ALK: variants seen among roughly 807,000 people sequenced by gnomAD.
ALK encodes ALK receptor tyrosine kinase.
In ALK, 74 loss-of-function variants were observed where a neutral mutation model predicts 163.1. The observed-to-expected ratio is 0.45, with a 90% confidence interval of 0.38 to 0.55. ALK has a LOEUF of 0.55. Ranked by LOEUF, ALK falls within the 20% of genes least tolerant of loss-of-function variation. ALK has a pLI of 0.00. For missense variants in ALK, 2,063 were observed against 2,105.3 expected (o/e 0.98, Z 0.39); for synonymous variants, 960 against 843.2 (o/e 1.14, Z -2.40).
chr2:29,270,022 A>G (rs370398706), intron 11 of ALK, among the ~76,000 whole-genome samples: 6 of 152,360 alleles, frequency 3.9e-5, no homozygotes, highest in African/African-American at 9.6e-5. Flanking sequence ...TGGAAGACCT[A>G]TTCAGTAATG....
intron 4 of ALK, among the ~76,000 whole-genome samples, chr2:29,384,529 T>C (rs1429067758): frequency 3.9e-5 from 6 of 152,140 alleles, no homozygotes; most frequent in African/African-American, 1.4e-4. Flanking sequence ...TGTCAGAGAA[T>C]AGAGAATAAA....
At chr2:29,896,970 A>G (rs4429435) in intron 1 of ALK, among the ~76,000 whole-genome samples, 113,974 of 152,082 alleles carry the variant, frequency 0.75, 42,827 homozygotes, top group East Asian at 0.78. Context: ...TGAGCAAAGC[A>G]GAGCTTAGAT....
intron 4 of ALK, among the ~76,000 whole-genome samples, chr2:29,414,514 G>A (rs1016901375): frequency 1.3e-5 from 2 of 152,092 alleles, no homozygotes; most frequent in Admixed American, 1.3e-4. Context: ...TAGGCCCCTG[G>A]CCATCTGTCA....
intron 1 of ALK, among the ~76,000 whole-genome samples, chr2:29,916,677 T>A (rs1220630034): frequency 3.9e-5 from 6 of 152,214 alleles, no homozygotes; most frequent in Non-Finnish European, 8.8e-5. Context: ...CAAAGTCATG[T>A]ATCCACTTTC....
intron 2 of ALK, among the ~76,000 whole-genome samples, chr2:29,715,910 A>G (rs1679236784): frequency 6.6e-6 from 1 of 152,238 alleles, no homozygotes; most frequent in Non-Finnish European, 1.5e-5. Context: ...CTGCTTAAGA[A>G]TCACAGGAAA....
intron 1 of ALK, among the ~76,000 whole-genome samples, chr2:29,841,243 TC>T (rs1324537758): frequency 6.6e-6 from 1 of 152,312 alleles, no homozygotes; most frequent in East Asian, 1.9e-4. Context: ...AGCAATTTTT[TC>T]CAAGATAACA....
At chr2:29,323,696 G>A (rs1667146519) in intron 6 of ALK, among the ~76,000 whole-genome samples, 2 of 152,170 alleles carry the variant, frequency 1.3e-5, no homozygotes, top group East Asian at 3.9e-4. Flanking sequence ...TTAAGAGTCG[G>A]AACAAAGACC....
At chr2:29,906,793 A>G (rs1667558952) in intron 1 of ALK, among the ~76,000 whole-genome samples, 1 of 152,216 alleles carries the variant, frequency 6.6e-6, no homozygotes, top group African/African-American at 2.4e-5. Flanking sequence ...AAACTGTTCA[A>G]TGGTAGCTGT....
At chr2:29,583,245 C>T (rs987850077) in intron 3 of ALK, among the ~76,000 whole-genome samples, 1 of 152,076 alleles carries the variant, frequency 6.6e-6, no homozygotes, top group Non-Finnish European at 1.5e-5. Flanking sequence ...CTGTTATTTA[C>T]ATAATATTAC....
intron 1 of ALK, among the ~76,000 whole-genome samples, chr2:29,757,908 A>G (rs1680583163): frequency 6.6e-6 from 1 of 151,974 alleles, no homozygotes; most frequent in Non-Finnish European, 1.5e-5. Context: ...TTTGAGTAGT[A>G]GACAGACAGA....
intron 4 of ALK, among the ~76,000 whole-genome samples, chr2:29,522,117 C>T (rs10168427): frequency 0.55 from 83,559 of 152,024 alleles, 23,685 homozygotes; most frequent in African/African-American, 0.62. Flanking sequence ...TATCAGCTGG[C>T]AATAGGGTAG....
chr2:29,619,756 C>G (rs761529100), intron 3 of ALK, among the ~76,000 whole-genome samples: 1 of 152,188 alleles, frequency 6.6e-6, no homozygotes, highest in Non-Finnish European at 1.5e-5. Flanking sequence ...TATTTAAAAC[C>G]CCTCCTGGGT....
At chr2:29,773,771 G>T (rs1005183333) in intron 1 of ALK, among the ~76,000 whole-genome samples, 8 of 151,982 alleles carry the variant, frequency 5.3e-5, no homozygotes, top group African/African-American at 1.9e-4. Flanking sequence ...TTTTTAAAAC[G>T]CATCATAAAA....
At chr2:29,610,123 G>T (rs1675651146) in intron 3 of ALK, among the ~76,000 whole-genome samples, 1 of 152,114 alleles carries the variant, frequency 6.6e-6, no homozygotes, top group Non-Finnish European at 1.5e-5. Flanking sequence ...CATTCATGTT[G>T]GATATAAGTA....
chr2:29,407,710 C>T (rs575986736), intron 4 of ALK, among the ~76,000 whole-genome samples: 1 of 152,330 alleles, frequency 6.6e-6, no homozygotes, highest in South Asian at 2.1e-4. Context: ...ATTCCCTACA[C>T]ACCCTTTGAC....
At chr2:29,439,315 G>A (rs957473632) in intron 4 of ALK, among the ~76,000 whole-genome samples, 4 of 152,146 alleles carry the variant, frequency 2.6e-5, no homozygotes, top group Admixed American at 6.6e-5. Context: ...AAGCACAAAC[G>A]TGGGTATAAA....
At chr2:29,514,436 T>C (rs1486606481) in intron 4 of ALK, among the ~76,000 whole-genome samples, 1 of 152,050 alleles carries the variant, frequency 6.6e-6, no homozygotes, top group Non-Finnish European at 1.5e-5. Flanking sequence ...CACTCATAGG[T>C]GGGAATTGAA....
At position 29,597,204 on chromosome 2, in the gene ALK, G is replaced by A. The variant is rs1573487766; in HGVS notation, c.953-65088C>T. Reference sequence around the variant, plus strand: ...TGGGTGGAGGAGATTGGAAGGAAAGGGAAAGTCTGTTGGAAATCCAATCCC... The same window carrying A: ...TGGGTGGAGGAGATTGGAAGGAAAGAGAAAGTCTGTTGGAAATCCAATCCC... On this transcript the variant is annotated intron_variant, in intron 3 of 28. Coordinates refer to ENST00000389048, the MANE Select transcript of ALK (RefSeq NM_004304.5). 2.0e-5 allele frequency among the ~76,000 whole-genome samples: 3 copies of A among 152,348 alleles called. No homozygotes were observed. In the South Asian group the frequency reaches 6.2e-4, roughly 32 times the overall value.
chr2:29,396,563 A>G (rs918462019), intron 4 of ALK, among the ~76,000 whole-genome samples: 5 of 152,034 alleles, frequency 3.3e-5, no homozygotes, highest in African/African-American at 1.2e-4. Context: ...AATCCCAGCT[A>G]CTCTGGAGGC....
Sources: gnomAD v4.1 joint callset for allele counts (sites outside exome capture counted in the v4.1 genomes callset) on GRCh38, gnomAD v4.1.1 for gene constraint, MANE v1.5 for transcripts, NCBI Gene and HGNC (gene_info 2026-07-23, HGNC 2026-07-21) for gene names.